ADGRV1: variants seen among roughly 807,000 people sequenced by gnomAD.
ADGRV1 encodes the protein adhesion G protein-coupled receptor V1, also known as G-protein coupled receptor 98.
A neutral mutation model predicts 596.2 loss-of-function variants in ADGRV1; 359 were observed. The ratio of observed to expected loss-of-function variants is 0.60; its 90% CI spans 0.55 to 0.66. ADGRV1 has a LOEUF of 0.66. ADGRV1 is among the 30% of genes least tolerant of loss of function. The probability of loss-of-function intolerance (pLI) is 0.00; values close to 1 mark genes in which losing one functional copy is unlikely to be tolerated. For missense variants in ADGRV1, 7,274 were observed against 7,575.6 expected, an observed-to-expected ratio of 0.96 and a Z score of 1.48; for synonymous variants, 2,681 against 2,679.2, an observed-to-expected ratio of 1.00 and a Z score of -0.02.
At chr5:90,622,011 C>T (rs1344353423) in intron 4 of ADGRV1, among the ~76,000 whole-genome samples, 2 of 152,154 alleles carry the variant, frequency 1.3e-5, no homozygotes, top group Non-Finnish European at 2.9e-5. Context: ...CTGGCAGCTG[C>T]TTCTGTAGCC....
chr5:90,886,993 C>T (rs1222812683), intron 83 of ADGRV1, among the ~76,000 whole-genome samples: 1 of 152,146 alleles, frequency 6.6e-6, no homozygotes, highest in African/African-American at 2.4e-5. Context: ...CCTGCTTCAC[C>T]TCTTCTCTCA....
intron 14 of ADGRV1, among the ~76,000 whole-genome samples, chr5:90,644,320 A>T (rs1767419746): frequency 6.6e-6 from 1 of 152,322 alleles, no homozygotes; most frequent in East Asian, 1.9e-4. Flanking sequence ...AATGATAAAT[A>T]GTTTATTTTT....
intron 50 of ADGRV1, among the ~76,000 whole-genome samples, chr5:90,739,032 T>C (rs1367512185): frequency 6.6e-6 from 1 of 152,074 alleles, no homozygotes; most frequent in Non-Finnish European, 1.5e-5. Flanking sequence ...TTAAGTATCC[T>C]ATCTTTTAAT....
intron 14 of ADGRV1, among the ~76,000 whole-genome samples, 190 bp downstream of exon 14, chr5:90,644,173 A>T (rs1364333188): frequency 6.6e-6 from 1 of 152,174 alleles, no homozygotes; most frequent in Non-Finnish European, 1.5e-5. Context: ...TATCGTGATG[A>T]TACTGATGAC....
In ADGRV1 at chr5:90,704,476, G is replaced by A. The variant is rs376250581; in HGVS notation, c.8374G>A (p.Val2792Ile). 5 of 1,550,976 alleles carry A rather than the reference G, an allele frequency of 3.2e-6. No individual in the cohort carries two copies. The African/African-American group carries it at 6.8e-5, about 21-fold the overall frequency. Reference sequence around the variant, plus strand: ...AGTATACCAAGTCATTCTGTATGATGTCAGGACACAAGGTAATTCAGAATT... The same window carrying A: ...AGTATACCAAGTCATTCTGTATGATATCAGGACACAAGGTAATTCAGAATT... ...KEVYQVILYD[V>I]RTQGVPPAGI... is the part of the protein sequence containing the mutation. The change falls in exon 36 of 90, where the codon GTC becomes ATC. Residue 2792 changes from valine to isoleucine, a missense_variant. Physicochemically the swap from Val to Ile is conservative, Grantham distance 29. Transcript: ENST00000405460.
chr5:90,640,110 T>G (rs1437657870), intron 11 of ADGRV1, among the ~76,000 whole-genome samples: 2 of 152,182 alleles, frequency 1.3e-5, no homozygotes, highest in African/African-American at 4.8e-5. Context: ...CAGAAAAATT[T>G]TGGTGTATGT....
intron 83 of ADGRV1, among the ~76,000 whole-genome samples, chr5:90,944,883 A>G (rs1021655789): frequency 4.6e-5 from 7 of 152,204 alleles, no homozygotes; most frequent in African/African-American, 1.7e-4. Context: ...GAAAATGGGA[A>G]GTCCTTTTGA....
chr5:90,730,560 C>G (rs879400424), intron 50 of ADGRV1, among the ~76,000 whole-genome samples: 6 of 152,194 alleles, frequency 3.9e-5, no homozygotes, highest in Non-Finnish European at 5.9e-5. Flanking sequence ...CTTTAATCCA[C>G]ACATCAGAAA....
chr5:90,964,473 T>C (rs959621777), intron 83 of ADGRV1, among the ~76,000 whole-genome samples: 3 of 151,908 alleles, frequency 2.0e-5, no homozygotes, highest in Non-Finnish European at 4.4e-5. Context: ...CAGAATATTA[T>C]TGCTCCAAGT....
intron 74 of ADGRV1, among the ~76,000 whole-genome samples, 164 bp from the exon 75 acceptor site, chr5:90,815,455 A>G (rs1402230329): frequency 6.6e-6 from 1 of 152,128 alleles, no homozygotes; most frequent in Non-Finnish European, 1.5e-5. Flanking sequence ...TGATGTTATC[A>G]CAGTTTAGTT....
At chr5:90,988,226 A>G (rs910436980) in intron 85 of ADGRV1, among the ~76,000 whole-genome samples, 9 of 152,170 alleles carry the variant, frequency 5.9e-5, no homozygotes, top group Non-Finnish European at 1.5e-5. Flanking sequence ...ATTTTGTCTG[A>G]TTATTCTAGA....
chr5:91,066,993 ATTAC>A (rs980080483), intron 85 of ADGRV1, among the ~76,000 whole-genome samples: 2 of 152,192 alleles, frequency 1.3e-5, no homozygotes, highest in African/African-American at 4.8e-5. Context: ...TCAGGGGCCT[ATTAC>A]TTCTGAGAAG....
At chr5:90,750,830 A>ATCCCTCTCTACAAT in intron 53 of ADGRV1, 133 bp downstream of exon 53, 1 of 614,148 alleles carries the variant, frequency 1.6e-6, no homozygotes, top group Non-Finnish European at 2.7e-6. Flanking sequence ...TAATCATTGT[A>ATCCCTCTCTACAAT]GAGAGGGATA....
chr5:91,039,108 G>A (rs963124843), intron 85 of ADGRV1, among the ~76,000 whole-genome samples: 1 of 152,060 alleles, frequency 6.6e-6, no homozygotes, highest in Non-Finnish European at 1.5e-5. Context: ...TTATTCCTTA[G>A]GATTAAGAAA....
intron 21 of ADGRV1, among the ~76,000 whole-genome samples, chr5:90,659,469 G>A (rs2149484574): frequency 6.6e-6 from 1 of 152,288 alleles, no homozygotes; most frequent in African/African-American, 2.4e-5. Context: ...TATTTTTCAA[G>A]TAATCAATGC....
Position 91,070,835 on chromosome 5 carries a change from A to G in ADGRV1, c.18153-1612A>G, listed in dbSNP as rs949166319. Among the ~76,000 whole-genome samples the G allele has an allele frequency of 3.3e-5, 5 of 152,310 alleles. No homozygotes were observed. The East Asian group carries it at 9.6e-4, about 29-fold the overall frequency. On this transcript the variant is annotated intron_variant, in intron 85 of 89. Coordinates refer to ENST00000405460, the MANE Select transcript of ADGRV1 (RefSeq NM_032119.4). ...GAAAAATTATCTTCATTTTCAAGAG[A>G]GAATAGATGGCTCTTGGGGAAATGT... is the stretch of plus-strand genomic sequence containing the variant.
intron 83 of ADGRV1, among the ~76,000 whole-genome samples, chr5:90,925,128 C>T (rs1259167070): frequency 1.3e-5 from 2 of 152,094 alleles, no homozygotes; most frequent in African/African-American, 4.8e-5. Context: ...TTTTTTGGTT[C>T]CATACTAACT....
Position 90,728,688 on chromosome 5 carries a change from G to A in ADGRV1, c.10181G>A (p.Gly3394Glu), listed in dbSNP as rs375468619. ...CTTCAGGTCTTCAGGTGGAATGGAG[G>A]AAGCTTCGTGTTGCATCAAAAACTC... ...ELTQVFRWNG[G>E]SFVLHQKLPV... The change falls in exon 49 of 90, where the codon GGA becomes GAA. Residue 3394 changes from glycine to glutamate, a missense_variant. Gly to Glu is a moderately conservative substitution (Grantham distance 98). Transcript: ENST00000405460. 7 of 1,609,894 alleles carry A rather than the reference G, an allele frequency of 4.3e-6. No homozygotes were observed. The African/African-American group carries it at 9.4e-5, about 22-fold the overall frequency.
intron 82 of ADGRV1, among the ~76,000 whole-genome samples, chr5:90,861,311 T>TTG (rs900149371): frequency 1.6e-4 from 25 of 151,728 alleles, no homozygotes; most frequent in African/African-American, 5.5e-4. Flanking sequence ...TCTATTTTTT[T>TTG]TTTGTTTTTG....
Sources: allele counts gnomAD v4.1 joint callset (sites outside exome capture counted in the v4.1 genomes callset), GRCh38; gene constraint gnomAD v4.1.1; transcripts MANE v1.5; gene names NCBI Gene and HGNC (gene_info 2026-07-23, HGNC 2026-07-21).